Variants in ERGIC1 observed in about 807,000 individuals in gnomAD.
ERGIC1 encodes the protein endoplasmic reticulum-golgi intermediate compartment 1.
A neutral mutation model predicts 38.3 loss-of-function variants in ERGIC1; 19 were observed. That is an observed-to-expected ratio of 0.50 (90% confidence interval 0.35 to 0.73). ERGIC1 has a LOEUF of 0.73. Among genes scored for constraint, ERGIC1 ranks in the 30% least tolerant of loss-of-function variants. The probability of loss-of-function intolerance (pLI) is 0.01; values close to 1 mark genes in which losing one functional copy is unlikely to be tolerated. For missense variants in ERGIC1, 294 were observed against 389.2 expected, an observed-to-expected ratio of 0.76 and a Z score of 2.06; for synonymous variants, 124 against 157.6, an observed-to-expected ratio of 0.79 and a Z score of 1.60.
chr5:172,865,394 C>T (rs1224473691), intron 1 of ERGIC1, among the ~76,000 whole-genome samples: 1 of 152,200 alleles, frequency 6.6e-6, no homozygotes, highest in African/African-American at 2.4e-5. Context: ...TTAATATTAA[C>T]ATAAGCCAGT....
intron 2 of ERGIC1, among the ~76,000 whole-genome samples, chr5:172,890,842 T>G (rs1482697164): frequency 1.2e-5 from 1 of 84,654 alleles, no homozygotes; most frequent in Non-Finnish European, 2.3e-5. Flanking sequence ...TGGAGTCCAC[T>G]TCTCCCAGGT....
At chr5:172,857,488 C>T (rs1457490795) in intron 1 of ERGIC1, among the ~76,000 whole-genome samples, 1 of 152,154 alleles carries the variant, frequency 6.6e-6, no homozygotes, top group Non-Finnish European at 1.5e-5. Flanking sequence ...TGAACAGTCA[C>T]AGCTCTGGCC....
At position 172,934,860 on chromosome 5, in the gene ERGIC1, C is replaced by G. The variant is rs540605425; in HGVS notation, c.643-328C>G. 2,440 of 350,722 alleles carry G rather than the reference C, an allele frequency of 7.0e-3. 15 individuals carry two copies. The highest frequency in any genetic ancestry group is 0.01 in the Non-Finnish European group (1,852 of 180,744). The allele number at this position is 350,722 out of a possible 1,614,324, so 21.7% of individuals were successfully genotyped here. A position where few individuals can be genotyped will look rare whatever the true frequency, so the allele number is the denominator to read the frequency against. On this transcript the variant is annotated intron_variant, in intron 8 of 9. Coordinates refer to ENST00000393784, the MANE Select transcript of ERGIC1 (RefSeq NM_001031711.3). ...AATAAATGAATGGATTTCGCGTGGC[C>G]CAGAGGTTGAAGGAGGCAATAGCCA...
At chr5:172,908,495 G>T (rs886807604) in intron 3 of ERGIC1, among the ~76,000 whole-genome samples, 1 of 151,724 alleles carries the variant, frequency 6.6e-6, no homozygotes, top group African/African-American at 2.4e-5. Context: ...ATAATTGCTT[G>T]GACCTGGGAG....
chr5:172,884,902 C>A (rs2011396065), intron 1 of ERGIC1, among the ~76,000 whole-genome samples: 1 of 152,060 alleles, frequency 6.6e-6, no homozygotes, highest in African/African-American at 2.4e-5. Flanking sequence ...CACTATAATA[C>A]CATGTTTTCA....
At chr5:172,915,878 T>C (rs1763352678) in intron 5 of ERGIC1, 2 of 303,490 alleles carry the variant, frequency 6.6e-6, no homozygotes, top group South Asian at 2.9e-5. Context: ...TGAGCTGGGG[T>C]TGCAAAGTCA....
At chr5:172,921,352 C>G (rs1763514998) in intron 5 of ERGIC1, among the ~76,000 whole-genome samples, 2 of 152,250 alleles carry the variant, frequency 1.3e-5, no homozygotes, top group South Asian at 4.1e-4. Context: ...CTGCTCCACT[C>G]CTGACCCAGC....
intron 1 of ERGIC1, among the ~76,000 whole-genome samples, chr5:172,882,789 A>G (rs946538657): frequency 1.3e-5 from 2 of 152,064 alleles, no homozygotes; most frequent in South Asian, 4.1e-4. Flanking sequence ...CCCTGTCCCC[A>G]TGCCCAGCAA....
intron 1 of ERGIC1, among the ~76,000 whole-genome samples, chr5:172,882,209 C>T (rs772393340): frequency 5.3e-5 from 8 of 152,190 alleles, no homozygotes; most frequent in Non-Finnish European, 1.0e-4. Flanking sequence ...GGTGGCCACT[C>T]CCAAGGAGCC....
At chr5:172,864,796 CTG>C (rs923040471) in intron 1 of ERGIC1, among the ~76,000 whole-genome samples, 30 of 151,850 alleles carry the variant, frequency 2.0e-4, no homozygotes, top group African/African-American at 7.0e-4. Flanking sequence ...GTGCTGAACA[CTG>C]TCTCATTTTG....
chr5:172,939,402 C>G (rs1356652969), intron 9 of ERGIC1, among the ~76,000 whole-genome samples: 2 of 152,264 alleles, frequency 1.3e-5, no homozygotes, highest in Non-Finnish European at 2.9e-5. Context: ...ATGCTATGCG[C>G]AGAGGCGCCC....
At position 172,859,223 on chromosome 5, in the gene ERGIC1, C is replaced by T. The variant is rs1018280572; in HGVS notation, c.20+24790C>T. Among the ~76,000 whole-genome samples the T allele has an allele frequency of 3.3e-5, 5 of 152,244 alleles. 1 individual carries two copies. Among genetic ancestry groups the T allele is most frequent in the African/African-American group, 1.2e-4 (5 of 41,554 alleles). ...TTTCCTGTTTTGATGAGACACTGCT[C>T]TTGGCCGTGCTGGTTCCCAAGAGGG... On this transcript the variant is annotated intron_variant, in intron 1 of 9. Coordinates refer to ENST00000393784, the MANE Select transcript of ERGIC1 (RefSeq NM_001031711.3).
intron 1 of ERGIC1, among the ~76,000 whole-genome samples, chr5:172,887,130 C>T (rs761744855): frequency 9.9e-5 from 15 of 152,196 alleles, no homozygotes; most frequent in Non-Finnish European, 1.6e-4. Flanking sequence ...ATTCAAGCAT[C>T]GGCCCTTACG....
chr5:172,927,733 C>T (rs1265401681), intron 7 of ERGIC1, among the ~76,000 whole-genome samples: 1 of 152,144 alleles, frequency 6.6e-6, no homozygotes, highest in Non-Finnish European at 1.5e-5. Flanking sequence ...GTGCCTGCCA[C>T]AATGCCCAGC....
At chr5:172,911,919 A>G (rs1463903054) in intron 4 of ERGIC1, among the ~76,000 whole-genome samples, 1 of 151,746 alleles carries the variant, frequency 6.6e-6, no homozygotes, top group African/African-American at 2.4e-5. Flanking sequence ...CCCAAAGGAC[A>G]CCTCTGCTAG....
At chr5:172,858,273 T>C (rs949455276) in intron 1 of ERGIC1, among the ~76,000 whole-genome samples, 2 of 152,028 alleles carry the variant, frequency 1.3e-5, no homozygotes, top group African/African-American at 4.8e-5. Context: ...AGCTGGGGAG[T>C]GCCAGGGCTG....
intron 1 of ERGIC1, among the ~76,000 whole-genome samples, chr5:172,860,151 CA>C (rs869085063): frequency 1.1e-5 from 1 of 93,346 alleles, no homozygotes; most frequent in Non-Finnish European, 2.9e-5. Flanking sequence ...CAGAGGTGAA[CA>C]AGACATGTCT....
chr5:172,889,356 A>T (rs547618847), intron 2 of ERGIC1, among the ~76,000 whole-genome samples: 1 of 152,192 alleles, frequency 6.6e-6, no homozygotes, highest in South Asian at 2.1e-4. Flanking sequence ...TTTTCTCTTT[A>T]TACCTTAAAA....
intron 1 of ERGIC1, among the ~76,000 whole-genome samples, chr5:172,844,861 C>T (rs1258110893): frequency 2.0e-5 from 3 of 152,192 alleles, no homozygotes; most frequent in Admixed American, 6.5e-5. Flanking sequence ...TCAATACCTT[C>T]GTCCCCGGGG....
Sources: allele counts gnomAD v4.1 joint callset (sites outside exome capture counted in the v4.1 genomes callset), GRCh38; gene constraint gnomAD v4.1.1; transcripts MANE v1.5; gene names NCBI Gene and HGNC (gene_info 2026-07-23, HGNC 2026-07-21).